The following LRRC4C variants were observed in gnomAD, a reference collection of about 807,000 sequenced individuals.
LRRC4C encodes the protein leucine-rich repeat-containing protein 4C.
LRRC4C carries 5 observed loss-of-function variants against 33.6 expected under a neutral mutation model. The ratio of observed to expected loss-of-function variants is 0.15; its 90% CI spans 0.08 to 0.31. The LOEUF (loss-of-function observed/expected upper bound fraction) is 0.31, where lower values mean the gene tolerates loss of function less well. Among genes scored for constraint, LRRC4C ranks in the 10% least tolerant of loss-of-function variants. The probability of loss-of-function intolerance (pLI) is 1.00; values close to 1 mark genes in which losing one functional copy is unlikely to be tolerated. For missense variants in LRRC4C, 560 were observed against 796.7 expected, an observed-to-expected ratio of 0.70 and a Z score of 3.58; for synonymous variants, 329 against 302.0, an observed-to-expected ratio of 1.09 and a Z score of -0.93.
chr11:40,441,736 C>G (rs1197556844), intron 3 of LRRC4C, among the ~76,000 whole-genome samples: 1 of 152,154 alleles, frequency 6.6e-6, no homozygotes, highest in Non-Finnish European at 1.5e-5. Flanking sequence ...CTGTACCCAC[C>G]TACATTACAG....
At chr11:40,440,648 A>T (rs1456979811) in intron 3 of LRRC4C, among the ~76,000 whole-genome samples, 2 of 152,186 alleles carry the variant, frequency 1.3e-5, no homozygotes, top group Non-Finnish European at 2.9e-5. Flanking sequence ...CTATTGAGGG[A>T]CATTATTTAT....
chr11:41,329,523 G>A (rs1195337615), intron 1 of LRRC4C, among the ~76,000 whole-genome samples: 1 of 152,136 alleles, frequency 6.6e-6, no homozygotes, highest in Non-Finnish European at 1.5e-5. Context: ...TTTTCCCTCA[G>A]CTTTCACTTC....
chr11:40,295,757 T>C (rs983424293), intron 4 of LRRC4C, among the ~76,000 whole-genome samples: 1 of 152,226 alleles, frequency 6.6e-6, no homozygotes, highest in Non-Finnish European at 1.5e-5. Context: ...TTTGATGTTA[T>C]GAATTACATG....
At chr11:41,356,678 A>C (rs890297349) in intron 1 of LRRC4C, among the ~76,000 whole-genome samples, 2 of 152,124 alleles carry the variant, frequency 1.3e-5, no homozygotes, top group African/African-American at 4.8e-5. Context: ...GAATTCAGAC[A>C]GTTCACACTT....
intron 3 of LRRC4C, among the ~76,000 whole-genome samples, chr11:40,360,454 C>T (rs1565312203): frequency 6.6e-6 from 1 of 152,178 alleles, no homozygotes; most frequent in South Asian, 2.1e-4. Flanking sequence ...AAACACTCTG[C>T]TGCGTGCACA....
rs11035853 is a variant in LRRC4C at position 40,453,690 on chromosome 11, A to G, written c.-269-133969T>C. The stretch of plus-strand genomic sequence containing the variant: ...AAAATTATCAGCAAAATACTAGCAA[A>G]CCAAATCCAGGAATATATAAAAAGA... On this transcript the variant is annotated intron_variant, in intron 3 of 6. Coordinates refer to ENST00000528697, the MANE Select transcript of LRRC4C (RefSeq NM_001258419.2). 5.5e-4 allele frequency among the ~76,000 whole-genome samples: 83 copies of G among 152,120 alleles called. 1 individual carries two copies. Among genetic ancestry groups the G allele is most frequent in the Non-Finnish European group, 1.0e-3 (69 of 67,998 alleles).
chr11:41,122,268 A>G (rs992616098), intron 1 of LRRC4C, among the ~76,000 whole-genome samples: 5 of 152,146 alleles, frequency 3.3e-5, no homozygotes, highest in African/African-American at 1.2e-4. Context: ...AAACATACTT[A>G]TTGAACCCGC....
intron 2 of LRRC4C, among the ~76,000 whole-genome samples, chr11:40,759,947 A>G (rs1949123041): frequency 2.4e-5 from 3 of 125,408 alleles, no homozygotes; most frequent in Non-Finnish European, 5.0e-5. Flanking sequence ...CAAACAAACA[A>G]ACAAACAACA....
At chr11:40,513,031 C>T (rs1464061984) in intron 3 of LRRC4C, among the ~76,000 whole-genome samples, 3 of 152,048 alleles carry the variant, frequency 2.0e-5, no homozygotes, top group South Asian at 2.1e-4. Flanking sequence ...GGGCAGATCA[C>T]GAGGTCAGGA....
intron 1 of LRRC4C, among the ~76,000 whole-genome samples, chr11:41,006,322 A>AT (rs1196870554): frequency 1.4e-4 from 21 of 152,196 alleles, no homozygotes; most frequent in Non-Finnish European, 2.9e-4. Context: ...TCACTAATCT[A>AT]AAGCTAGTTA....
intron 2 of LRRC4C, among the ~76,000 whole-genome samples, chr11:40,782,351 G>C (rs902892622): frequency 2.0e-4 from 31 of 151,856 alleles, no homozygotes; most frequent in Admixed American, 1.1e-3. Flanking sequence ...TTCAGGCTCT[G>C]GTATGGCTGC....
At chr11:41,259,049 G>C (rs902206880) in intron 1 of LRRC4C, among the ~76,000 whole-genome samples, 6 of 152,042 alleles carry the variant, frequency 3.9e-5, no homozygotes, top group African/African-American at 9.7e-5. Flanking sequence ...GCATCCGTAA[G>C]AGCAGACTAT....
At chr11:40,591,043 A>C (rs1173725948) in intron 3 of LRRC4C, among the ~76,000 whole-genome samples, 1 of 152,118 alleles carries the variant, frequency 6.6e-6, no homozygotes, top group African/African-American at 2.4e-5. Context: ...TTACCTAAGC[A>C]CGCCTGGGCA....
intron 1 of LRRC4C, among the ~76,000 whole-genome samples, chr11:41,245,298 T>G (rs1048655051): frequency 3.3e-5 from 5 of 152,118 alleles, no homozygotes; most frequent in African/African-American, 1.2e-4. Context: ...CTGCACGCAG[T>G]TCATGTCACT....
chr11:40,952,844 T>A (rs1233614230), intron 1 of LRRC4C, among the ~76,000 whole-genome samples: 1 of 106,582 alleles, frequency 9.4e-6, no homozygotes, highest in African/African-American at 4.0e-5. Context: ...CTCTGTCTAT[T>A]TCCAAACACA....
At chr11:40,273,811 C>G (rs1226431339) in intron 4 of LRRC4C, among the ~76,000 whole-genome samples, 2 of 152,068 alleles carry the variant, frequency 1.3e-5, no homozygotes, top group Non-Finnish European at 2.9e-5. Context: ...TTATTGGAAA[C>G]AGAAATGAAA....
At chr11:40,714,340 A>G (rs1357057091) in intron 2 of LRRC4C, among the ~76,000 whole-genome samples, 1 of 152,190 alleles carries the variant, frequency 6.6e-6, no homozygotes, top group Non-Finnish European at 1.5e-5. Flanking sequence ...GCAGCAATAA[A>G]TATCTACTAC....
At chr11:40,983,298 A>G (rs1474651290) in intron 1 of LRRC4C, among the ~76,000 whole-genome samples, 1 of 152,220 alleles carries the variant, frequency 6.6e-6, no homozygotes, top group Admixed American at 6.5e-5. Context: ...CCAGCAGTGT[A>G]TAAGCATTCC....
At chr11:40,746,966 G>A (rs1948458853) in intron 2 of LRRC4C, among the ~76,000 whole-genome samples, 1 of 152,172 alleles carries the variant, frequency 6.6e-6, no homozygotes, top group Non-Finnish European at 1.5e-5. Context: ...CTGCCTAGGG[G>A]CCTGAGAGCC....
Sources: allele counts gnomAD v4.1 joint callset (sites outside exome capture counted in the v4.1 genomes callset), GRCh38; gene constraint gnomAD v4.1.1; transcripts MANE v1.5; gene names NCBI Gene and HGNC (gene_info 2026-07-23, HGNC 2026-07-21).